Variants in SLIT3 observed in about 807,000 individuals in gnomAD.
SLIT3 encodes slit guidance ligand 3, also known as slit homolog 3 protein.
A neutral mutation model predicts 184.0 loss-of-function variants in SLIT3; 68 were observed. The observed-to-expected ratio is 0.37, with a 90% CI of 0.30 to 0.45. The LOEUF (loss-of-function observed/expected upper bound fraction) is 0.45, where lower values mean the gene tolerates loss of function less well. Ranked by LOEUF, SLIT3 falls within the 20% of genes least tolerant of loss-of-function variation. SLIT3 has a pLI of 1.00. For missense variants in SLIT3, 1,707 were observed against 2,026.0 expected, an observed-to-expected ratio of 0.84 and a Z score of 3.02; for synonymous variants, 831 against 828.6, an observed-to-expected ratio of 1.00 and a Z score of -0.05.
chr5:169,253,253 A>C (rs1441942789), intron 1 of SLIT3, among the ~76,000 whole-genome samples: 1 of 152,212 alleles, frequency 6.6e-6, no homozygotes, highest in Non-Finnish European at 1.5e-5. Context: ...ACAACTGTGA[A>C]TATGACAATG....
At chr5:169,105,888 T>TA (rs1760187641) in intron 4 of SLIT3, among the ~76,000 whole-genome samples, 1 of 152,190 alleles carries the variant, frequency 6.6e-6, no homozygotes, top group African/African-American at 2.4e-5. Flanking sequence ...TCCATGTCTT[T>TA]GCTATTGTGA....
chr5:169,027,997 C>T (rs1756890802), intron 4 of SLIT3, among the ~76,000 whole-genome samples: 1 of 152,076 alleles, frequency 6.6e-6, no homozygotes. Flanking sequence ...TACTGACCTG[C>T]TGGAGCTGAG....
chr5:168,986,083 G>A (rs1173978374), intron 4 of SLIT3, among the ~76,000 whole-genome samples: 1 of 152,184 alleles, frequency 6.6e-6, no homozygotes, highest in African/African-American at 2.4e-5. Context: ...GGCTGACACT[G>A]AGTCTTCTCA....
intron 3 of SLIT3, among the ~76,000 whole-genome samples, chr5:169,195,376 G>T (rs1246159097): frequency 2.0e-5 from 3 of 152,198 alleles, no homozygotes; most frequent in African/African-American, 7.2e-5. Context: ...CTGTCAAGAG[G>T]GTGCTACTCA....
intron 5 of SLIT3, among the ~76,000 whole-genome samples, chr5:168,857,798 G>A (rs1182261260): frequency 6.6e-6 from 1 of 152,214 alleles, no homozygotes; most frequent in African/African-American, 2.4e-5. Flanking sequence ...ATGAATGAAT[G>A]TGGTATTAAC....
intron 4 of SLIT3, among the ~76,000 whole-genome samples, chr5:169,119,146 T>A (rs1222622793): frequency 6.6e-6 from 1 of 152,204 alleles, no homozygotes; most frequent in African/African-American, 2.4e-5. Context: ...TCAAAGCTGA[T>A]ACATATGGAA....
chr5:169,262,132 G>A lies in SLIT3; in HGVS notation c.198-10673C>T, dbSNP rs183417413. 1.2e-3 allele frequency among the ~76,000 whole-genome samples: 181 copies of A among 152,288 alleles called. 1 individual carries two copies. Among genetic ancestry groups the A allele is most frequent in the Non-Finnish European group, 2.2e-3 (153 of 68,030 alleles). Reference sequence around the variant, plus strand: ...CAGCCTTATGAAACCCTGAAGCAGAGGGCCGAGACAAATGGAAGGTGCTGA... The same window carrying A: ...CAGCCTTATGAAACCCTGAAGCAGAAGGCCGAGACAAATGGAAGGTGCTGA... On this transcript the variant is annotated intron_variant, in intron 1 of 35. Transcript: ENST00000519560.
rs1013663567 is a variant in SLIT3, at chr5:169,300,227, C to G, written c.197+286G>C. 6.6e-6 allele frequency among the ~76,000 whole-genome samples: 1 copy of G among 152,224 alleles called. No homozygotes were observed. The highest frequency in any genetic ancestry group is 1.5e-5 in the Non-Finnish European group (1 of 68,036). ...GCAGTGCTCTTGCCTCCCCTCGCCTCTCCTCAGCTACTCCTTGGAAGCTGT... is the reference window on the plus strand; with the variant it reads ...GCAGTGCTCTTGCCTCCCCTCGCCTGTCCTCAGCTACTCCTTGGAAGCTGT... On this transcript the variant is annotated intron_variant, in intron 1 of 35. Transcript: ENST00000519560. This position sits in a 1 kb window ranked among gnomAD's most constrained non-coding sequence, Gnocchi z 4.1.
intron 1 of SLIT3, among the ~76,000 whole-genome samples, chr5:169,293,523 A>C (rs958586959): frequency 6.6e-6 from 1 of 152,200 alleles, no homozygotes; most frequent in African/African-American, 2.4e-5. Context: ...TTTGACCATA[A>C]TAACAATAGG....
At chr5:169,013,632 G>C (rs907981303) in intron 4 of SLIT3, among the ~76,000 whole-genome samples, 21 of 152,142 alleles carry the variant, frequency 1.4e-4, no homozygotes, top group Admixed American at 7.9e-4. Context: ...TCTTACGCCC[G>C]TTCTGAGATG....
intron 7 of SLIT3, among the ~76,000 whole-genome samples, chr5:168,818,489 C>T (rs1333883104): frequency 6.6e-6 from 1 of 152,222 alleles, no homozygotes; most frequent in African/African-American, 2.4e-5. Context: ...TTCCCATTTC[C>T]ACGTTCCCTA....
At chr5:169,151,788 G>T (rs1016904081) in intron 4 of SLIT3, among the ~76,000 whole-genome samples, 3 of 152,158 alleles carry the variant, frequency 2.0e-5, no homozygotes, top group Non-Finnish European at 2.9e-5. Flanking sequence ...ATCCCTCAGT[G>T]GTCAGGAAAA....
intron 4 of SLIT3, among the ~76,000 whole-genome samples, chr5:168,894,877 G>A (rs1760607824): frequency 1.3e-5 from 2 of 152,190 alleles, no homozygotes; most frequent in Non-Finnish European, 2.9e-5. Context: ...AGGTACAGAA[G>A]GAGATACTTT....
intron 4 of SLIT3, among the ~76,000 whole-genome samples, chr5:168,895,568 G>A (rs1024340224): frequency 6.6e-6 from 1 of 152,196 alleles, no homozygotes; most frequent in South Asian, 2.1e-4. Context: ...TCAGCACCCT[G>A]AGTTGCAAAG....
At chr5:169,086,113 G>A (rs1293894166) in intron 4 of SLIT3, among the ~76,000 whole-genome samples, 2 of 152,140 alleles carry the variant, frequency 1.3e-5, no homozygotes, top group African/African-American at 2.4e-5. Flanking sequence ...AGAAGCTCTC[G>A]TGGCCCCTGT....
chr5:169,227,811 A>G (rs1764864701), intron 3 of SLIT3, among the ~76,000 whole-genome samples: 1 of 152,198 alleles, frequency 6.6e-6, no homozygotes, highest in Non-Finnish European at 1.5e-5. Context: ...AGATGAGGAG[A>G]TGAAGGCACT....
At chr5:168,687,738 C>A (rs541745488) in intron 29 of SLIT3, among the ~76,000 whole-genome samples, 17 of 152,306 alleles carry the variant, frequency 1.1e-4, no homozygotes, top group African/African-American at 4.1e-4. Flanking sequence ...TTGTGTAGTG[C>A]ATTAAACGTT....
intron 2 of SLIT3, among the ~76,000 whole-genome samples, chr5:169,250,811 T>C (rs1489175216): frequency 1.3e-5 from 2 of 152,100 alleles, no homozygotes; most frequent in Non-Finnish European, 2.9e-5. Context: ...ACTTGGGAAG[T>C]TTCTTATCAC....
chr5:168,901,269 C>T (rs144228303), intron 4 of SLIT3, among the ~76,000 whole-genome samples: 14 of 152,104 alleles, frequency 9.2e-5, no homozygotes, highest in African/African-American at 2.4e-4. Context: ...GAGGCTGAGG[C>T]GGGAGAATGA....
Sources: allele counts gnomAD v4.1 joint callset (sites outside exome capture counted in the v4.1 genomes callset), GRCh38; gene constraint gnomAD v4.1.1; non-coding constraint Gnocchi (gnomAD v3.1); transcripts MANE v1.5; gene names NCBI Gene and HGNC (gene_info 2026-07-23, HGNC 2026-07-21).